The following ZNF487 variants were observed in gnomAD, a reference collection of about 807,000 sequenced individuals.
The protein encoded by ZNF487 is KRAB domain only 1.
A neutral mutation model predicts 3.0 loss-of-function variants in ZNF487; 4 were observed. The ratio of observed to expected loss-of-function variants is 1.35; its 90% CI spans 0.66 to 3.08. ZNF487 has a LOEUF of 3.08. Among genes scored for constraint, ZNF487 ranks in the 30% most tolerant of loss-of-function variants. The pLI, the probability that ZNF487 is intolerant of heterozygous loss-of-function variation, is 0.01. For missense variants in ZNF487, 146 were observed against 98.7 expected (o/e 1.48, Z -2.03); for synonymous variants, 55 against 34.6 (o/e 1.59, Z -2.06).
At chr10:43,465,382 C>T (rs1840651409) in intron 1 of ZNF487, among the ~76,000 whole-genome samples, 1 of 149,004 alleles carries the variant, frequency 6.7e-6, no homozygotes, top group Non-Finnish European at 1.5e-5. Flanking sequence ...GGGCTCCTCA[C>T]TTCTCAGACG....
chr10:43,451,627 G>A (rs190125313), intron 1 of ZNF487, among the ~76,000 whole-genome samples: 68 of 151,050 alleles, frequency 4.5e-4, no homozygotes, highest in African/African-American at 1.5e-3. Flanking sequence ...GTGCAATGGC[G>A]TGATCTCGGC....
intron 1 of ZNF487, among the ~76,000 whole-genome samples, chr10:43,443,782 C>T (rs1839705030): frequency 6.6e-6 from 1 of 151,970 alleles, no homozygotes; most frequent in Non-Finnish European, 1.5e-5. Flanking sequence ...ACTCAGCCTC[C>T]CAAAGTGTTG....
chr10:43,455,840 C>T (rs1050970900), intron 1 of ZNF487, among the ~76,000 whole-genome samples: 6 of 152,238 alleles, frequency 3.9e-5, no homozygotes, highest in Non-Finnish European at 5.9e-5. Context: ...CTTGTGCGGA[C>T]GCCACTGCGC....
the ZNF487 span, among the ~76,000 whole-genome samples, chr10:43,498,126 T>A: frequency 1.2e-3 from 39 of 33,512 alleles, 1 homozygote; most frequent in East Asian, 5.1e-3. Context: ...TTTTTTTTTT[T>A]TTTTTTTTTT....
chr10:43,437,063 G>C (rs2132019276), upstream of ZNF487: 1 of 314,682 alleles, frequency 3.2e-6, no homozygotes, highest in South Asian at 2.3e-5. Context: ...CGCTGGACTG[G>C]CGGGCGCCCG....
the ZNF487 span, among the ~76,000 whole-genome samples, chr10:43,506,674 C>T: frequency 6.6e-6 from 1 of 152,122 alleles, no homozygotes; most frequent in African/African-American, 2.4e-5. Context: ...CCTCCCAAAG[C>T]CCTTGGTTGT....
At chr10:43,505,634 C>G in the ZNF487 span, among the ~76,000 whole-genome samples, 1 of 151,708 alleles carries the variant, frequency 6.6e-6, no homozygotes, top group South Asian at 2.1e-4. Context: ...CTTATAATTA[C>G]TGTTTTATGT....
At chr10:43,464,993 G>A (rs1589039483) in intron 1 of ZNF487, among the ~76,000 whole-genome samples, 1 of 141,360 alleles carries the variant, frequency 7.1e-6, no homozygotes, top group Admixed American at 6.7e-5. Context: ...CTGGCTGGGC[G>A]GGGGCTGACC....
chr10:43,465,974 T>C (rs1225316282), intron 1 of ZNF487, among the ~76,000 whole-genome samples: 3 of 152,208 alleles, frequency 2.0e-5, no homozygotes, highest in Admixed American at 6.5e-5. Context: ...TCACTCGCAG[T>C]TAGGAGCTGG....
At chr10:43,522,399 A>T in the ZNF487 span, among the ~76,000 whole-genome samples, 1 of 151,936 alleles carries the variant, frequency 6.6e-6, no homozygotes, top group East Asian at 1.9e-4. Context: ...CTGATTTACT[A>T]CTCATTCAGA....
chr10:43,478,369 A>T (rs1441409677), intron 3 of ZNF487, among the ~76,000 whole-genome samples: 2 of 152,218 alleles, frequency 1.3e-5, no homozygotes, highest in African/African-American at 4.8e-5. Flanking sequence ...AGCCTGACCA[A>T]CATGGAAAAA....
the ZNF487 span, among the ~76,000 whole-genome samples, chr10:43,511,958 A>G: frequency 6.6e-6 from 1 of 152,174 alleles, no homozygotes; most frequent in Non-Finnish European, 1.5e-5. Context: ...GTCCCTGACC[A>G]TCCAGCCAAA....
chr10:43,498,521 G>A, the ZNF487 span, among the ~76,000 whole-genome samples: 1 of 150,988 alleles, frequency 6.6e-6, no homozygotes, highest in African/African-American at 2.4e-5. Flanking sequence ...CAAGTGATCT[G>A]CCCACCTCGG....
chr10:43,500,408 A>G, the ZNF487 span, among the ~76,000 whole-genome samples: 1 of 152,016 alleles, frequency 6.6e-6, no homozygotes, highest in Non-Finnish European at 1.5e-5. Flanking sequence ...TCTGGGTGAC[A>G]GAGTGAGACC....
intron 1 of ZNF487, among the ~76,000 whole-genome samples, chr10:43,462,136 C>G (rs1840453419): frequency 6.6e-6 from 1 of 152,042 alleles, no homozygotes; most frequent in South Asian, 2.1e-4. Flanking sequence ...TAAAAATTAT[C>G]TAGTGAATTA....
chr10:43,461,857 G>A (rs886559846), intron 1 of ZNF487, among the ~76,000 whole-genome samples: 1 of 152,110 alleles, frequency 6.6e-6, no homozygotes, highest in Non-Finnish European at 1.5e-5. Flanking sequence ...AGTCCTAGTT[G>A]TTTGTTTCTA....
the ZNF487 span, among the ~76,000 whole-genome samples, chr10:43,520,796 C>T: frequency 9.9e-5 from 15 of 152,232 alleles, no homozygotes; most frequent in Admixed American, 7.2e-4. Context: ...ATGCTTATAA[C>T]GCAGGTCTGT....
At chr10:43,455,454 C>T (rs1171840678) in intron 1 of ZNF487, among the ~76,000 whole-genome samples, 3 of 152,248 alleles carry the variant, frequency 2.0e-5, no homozygotes, top group Non-Finnish European at 4.4e-5. Flanking sequence ...ATCCCTGCGC[C>T]GTGGGTTCGC....
intron 1 of ZNF487, among the ~76,000 whole-genome samples, chr10:43,474,561 C>T (rs1343226349): frequency 6.6e-6 from 1 of 152,052 alleles, no homozygotes; most frequent in African/African-American, 2.4e-5. Context: ...ACAGCAAGAC[C>T]TGGCCTCTAA....
Sources: allele counts gnomAD v4.1 joint callset (sites outside exome capture counted in the v4.1 genomes callset), GRCh38; gene constraint gnomAD v4.1.1; transcripts MANE v1.5; gene names NCBI Gene and HGNC (gene_info 2026-07-23, HGNC 2026-07-21).